WNK1: variants seen among roughly 807,000 people sequenced by gnomAD.
The protein encoded by WNK1 is serine/threonine-protein kinase WNK1.
A neutral mutation model predicts 222.8 loss-of-function variants in WNK1; 38 were observed. The observed-to-expected ratio is 0.17, with a 90% CI of 0.13 to 0.22. The LOEUF is 0.22. Among genes scored for constraint, WNK1 ranks in the 10% least tolerant of loss-of-function variants. The pLI is 1.00. For synonymous variants in WNK1, 1,090 were observed against 1,092.9 expected (o/e 1.00, Z 0.05); for missense variants, 2,348 against 2,918.4 (o/e 0.80, Z 4.50).
intron 21 of WNK1, 44 bp downstream of exon 21, chr12:889,267 A>G: frequency 6.7e-7 from 1 of 1,494,548 alleles, no homozygotes; most frequent in Non-Finnish European, 9.3e-7. Flanking sequence ...TAACCCTAAT[A>G]TATTATATGC....
intron 1 of WNK1, among the ~76,000 whole-genome samples, chr12:809,034 G>A (rs1397112653): frequency 6.6e-6 from 1 of 151,830 alleles, no homozygotes; most frequent in Non-Finnish European, 1.5e-5. Flanking sequence ...AAAGTGCTGG[G>A]ATTACAGGCG....
chr12:898,599 C>T (rs1179742257), intron 25 of WNK1, among the ~76,000 whole-genome samples: 6 of 152,094 alleles, frequency 3.9e-5, no homozygotes, highest in Non-Finnish European at 7.3e-5. Flanking sequence ...GACAGGGCCT[C>T]ACTCTGTTGC....
intron 4 of WNK1, among the ~76,000 whole-genome samples, chr12:854,246 T>C: frequency 6.6e-6 from 1 of 151,382 alleles, no homozygotes; most frequent in East Asian, 2.0e-4. Context: ...CACACACCTG[T>C]AGTCCCAGCT....
At chr12:770,561 A>G (rs887064876) in intron 1 of WNK1, among the ~76,000 whole-genome samples, 2 of 152,216 alleles carry the variant, frequency 1.3e-5, no homozygotes, top group Non-Finnish European at 2.9e-5. Flanking sequence ...AATTTAGACT[A>G]TTCTATTAAA....
chr12:811,325 TATA>T (rs1165048292), intron 1 of WNK1, among the ~76,000 whole-genome samples: 3 of 152,190 alleles, frequency 2.0e-5, no homozygotes, highest in African/African-American at 7.2e-5. Context: ...ATAATTATTA[TATA>T]ATAACAAACG....
At chr12:882,332 G>C (rs930592468) in intron 14 of WNK1, among the ~76,000 whole-genome samples, 8 of 152,114 alleles carry the variant, frequency 5.3e-5, no homozygotes, top group Admixed American at 1.3e-4. Context: ...CCAAGTAGCT[G>C]GGACTACAGA....
At chr12:896,829 A>C (rs1954768463) in intron 24 of WNK1, 97 bp downstream of exon 24, 1 of 1,360,902 alleles carries the variant, frequency 7.3e-7, no homozygotes, top group East Asian at 2.5e-5. Context: ...CAATATGCTA[A>C]TGTCTCATTT....
chr12:844,639 G>A (rs1949886774), intron 4 of WNK1, among the ~76,000 whole-genome samples: 1 of 151,988 alleles, frequency 6.6e-6, no homozygotes, highest in African/African-American at 2.4e-5. Flanking sequence ...ATTCTGCACT[G>A]TCCATTACCA....
intron 4 of WNK1, among the ~76,000 whole-genome samples, chr12:852,900 A>G (rs749161437): frequency 1.3e-5 from 2 of 152,130 alleles, no homozygotes; most frequent in Non-Finnish European, 2.9e-5. Flanking sequence ...CCATGTACAC[A>G]TTTACTTTTA....
intron 1 of WNK1, among the ~76,000 whole-genome samples, chr12:773,588 T>C (rs1305481230): frequency 6.6e-6 from 1 of 152,204 alleles, no homozygotes; most frequent in African/African-American, 2.4e-5. Flanking sequence ...AATGTCGATA[T>C]AGCATTTAGA....
At chr12:782,057 T>G (rs1303350755) in intron 1 of WNK1, among the ~76,000 whole-genome samples, 1 of 152,222 alleles carries the variant, frequency 6.6e-6, no homozygotes, top group African/African-American at 2.4e-5. Context: ...GGCTGGATTA[T>G]TTTAAGTAAC....
chr12:831,207 A>C (rs1948764068), intron 4 of WNK1, among the ~76,000 whole-genome samples: 1 of 152,172 alleles, frequency 6.6e-6, no homozygotes, highest in Admixed American at 6.6e-5. Flanking sequence ...TGCACATATG[A>C]TATTGCAGCA....
At chr12:844,947 G>A (rs2154048764) in intron 4 of WNK1, among the ~76,000 whole-genome samples, 1 of 125,610 alleles carries the variant, frequency 8.0e-6, no homozygotes, top group East Asian at 2.6e-4. Context: ...CCAGGCTGGA[G>A]TGCAGTGGCG....
chr12:801,396 G>C (rs1020441098), intron 1 of WNK1, among the ~76,000 whole-genome samples: 1 of 151,196 alleles, frequency 6.6e-6, no homozygotes, highest in Non-Finnish European at 1.5e-5. Context: ...TATCTCACTA[G>C]CAACTCCCAA....
chr12:900,459 A>G lies in WNK1; in HGVS notation c.6449-17A>G. 1 of 1,614,064 alleles carries G rather than the reference A, an allele frequency of 6.2e-7. No homozygotes were observed. The highest frequency in any genetic ancestry group is 1.1e-5 in the South Asian group (1 of 91,080). On this transcript the variant is annotated splice_polypyrimidine_tract_variant and intron_variant, in intron 25 of 27. Coordinates refer to ENST00000315939, the MANE Select transcript of WNK1 (RefSeq NM_018979.4). ...AGAGCTGGACATGTTTCCTCATGCCACTTTATCTTTTGGCAGGTAACCTGT... is the reference window on the plus strand; with the variant it reads ...AGAGCTGGACATGTTTCCTCATGCCGCTTTATCTTTTGGCAGGTAACCTGT...
intron 2 of WNK1, among the ~76,000 whole-genome samples, chr12:822,037 C>G (rs1446836170): frequency 6.9e-6 from 1 of 144,670 alleles, no homozygotes; most frequent in Non-Finnish European, 1.5e-5. Context: ...TTTAATTAGT[C>G]AAAATGAATG....
intron 26 of WNK1, among the ~76,000 whole-genome samples, chr12:903,276 G>A (rs72650775): frequency 2.9e-4 from 44 of 152,276 alleles, no homozygotes; most frequent in African/African-American, 8.4e-4. Flanking sequence ...ACAAAGAAGC[G>A]GGTGGAAGGC....
At chr12:794,572 A>G (rs916772741) in intron 1 of WNK1, among the ~76,000 whole-genome samples, 2 of 150,552 alleles carry the variant, frequency 1.3e-5, no homozygotes, top group South Asian at 2.1e-4. Flanking sequence ...AGATAATCGT[A>G]TGGGCTTTGT....
chr12:762,071 T>G lies in WNK1; in HGVS notation c.759+7747T>G, dbSNP rs1941098196. On this transcript the variant is annotated intron_variant, in intron 1 of 27. Coordinates refer to ENST00000315939, the MANE Select transcript of WNK1 (RefSeq NM_018979.4). ...TTTATTTTTTAATTTAATTTTTTTT[T>G]TTTTTTGAGGCTGAGTCTTGCTCTG... Among the ~76,000 whole-genome samples, 3 of 144,786 alleles carry G rather than the reference T, an allele frequency of 2.1e-5. 1 individual carries two copies. The highest frequency in any genetic ancestry group is 1.5e-5 in the Non-Finnish European group (1 of 64,922). The allele number at this position is 144,786 out of a possible 152,430, so 95.0% of individuals were successfully genotyped here. A position where few individuals can be genotyped will look rare whatever the true frequency, so the allele number is the denominator to read the frequency against.
Sources: gnomAD v4.1 joint callset for allele counts (sites outside exome capture counted in the v4.1 genomes callset) on GRCh38, gnomAD v4.1.1 for gene constraint, MANE v1.5 for transcripts, NCBI Gene and HGNC (gene_info 2026-07-23, HGNC 2026-07-21) for gene names.